The following IL1RL2 variants were observed in gnomAD, a reference collection of about 807,000 sequenced individuals.
IL1RL2 encodes the protein interleukin-1 receptor-like 2.
In IL1RL2, 68 loss-of-function variants were observed where a neutral mutation model predicts 66.8. The observed-to-expected ratio is 1.02, with a 90% CI of 0.84 to 1.25. The LOEUF (loss-of-function observed/expected upper bound fraction) is 1.25, where lower values mean the gene tolerates loss of function less well. Ranked by LOEUF, IL1RL2 falls within the 50% of genes most tolerant of loss-of-function variation. IL1RL2 has a pLI of 0.00. For missense variants in IL1RL2, 729 were observed against 709.3 expected, an observed-to-expected ratio of 1.03 and a Z score of -0.32; for synonymous variants, 305 against 264.6, an observed-to-expected ratio of 1.15 and a Z score of -1.48.
chr2:102,205,087 G>T (rs7583664), intron 5 of IL1RL2, among the ~76,000 whole-genome samples: 42,594 of 151,404 alleles, frequency 0.28, 6,607 homozygotes, highest in East Asian at 0.39. Context: ...TATTTTAACC[G>T]GATAACAACT....
intron 5 of IL1RL2, among the ~76,000 whole-genome samples, chr2:102,207,273 C>T (rs1167391247): frequency 1.3e-5 from 2 of 152,182 alleles, no homozygotes; most frequent in African/African-American, 4.8e-5. Context: ...AAGTGCAAGA[C>T]AAACTTTTCC....
intron 6 of IL1RL2, among the ~76,000 whole-genome samples, chr2:102,212,923 C>G (rs982196332): frequency 6.6e-6 from 1 of 152,100 alleles, no homozygotes; most frequent in African/African-American, 2.4e-5. Context: ...GAGCCGAGAT[C>G]GCGCCACTGC....
At chr2:102,201,530 T>C in intron 4 of IL1RL2, 26 bp from the exon 5 acceptor site, 2 of 1,606,232 alleles carry the variant, frequency 1.2e-6, no homozygotes, top group Non-Finnish European at 8.5e-7. Context: ...ATTCATTGAA[T>C]TGAATTTTGT....
At chr2:102,214,117 C>G (rs900892609) in intron 6 of IL1RL2, among the ~76,000 whole-genome samples, 7 of 152,102 alleles carry the variant, frequency 4.6e-5, no homozygotes, top group African/African-American at 1.7e-4. Flanking sequence ...TCTTAAAAGA[C>G]AAATTTGGCT....
intron 6 of IL1RL2, 22 bp downstream of exon 6, chr2:102,212,196 A>G (rs1215544628): frequency 6.6e-7 from 1 of 1,519,568 alleles, no homozygotes; most frequent in East Asian, 2.3e-5. Flanking sequence ...TATTGAAGCC[A>G]TTGAAATCAC....
chr2:102,226,084 C>T, intron 9 of IL1RL2, 43 bp downstream of exon 9: 1 of 1,474,594 alleles, frequency 6.8e-7, no homozygotes, highest in Non-Finnish European at 9.1e-7. Context: ...AAATTGGTAT[C>T]CTCTTATACA....
intron 9 of IL1RL2, among the ~76,000 whole-genome samples, chr2:102,227,186 C>G (rs35122930): frequency 0.016 from 2,392 of 152,268 alleles, 59 homozygotes; most frequent in African/African-American, 0.055. Context: ...AAAAAAGAAG[C>G]CTGGTGCAGC....
At chr2:102,208,314 T>C (rs1167104259) in intron 5 of IL1RL2, among the ~76,000 whole-genome samples, 1 of 152,212 alleles carries the variant, frequency 6.6e-6, no homozygotes, top group Non-Finnish European at 1.5e-5. Context: ...TTCCACATTC[T>C]CTCCCCAAGC....
intron 1 of IL1RL2, chr2:102,187,409 G>C (rs1359391193): frequency 2.7e-6 from 3 of 1,127,896 alleles, no homozygotes; most frequent in Admixed American, 4.1e-5. Flanking sequence ...CGCCAGGCTC[G>C]GGTGGATCCC....
At chr2:102,212,282 C>A (rs1689237799) in intron 6 of IL1RL2, 108 bp downstream of exon 6, 2 of 765,752 alleles carry the variant, frequency 2.6e-6, no homozygotes, top group Admixed American at 4.6e-5. Context: ...ATCCTATACA[C>A]ACCCAGTTTC....
intron 11 of IL1RL2, among the ~76,000 whole-genome samples, chr2:102,236,532 A>G (rs1336638328): frequency 1.3e-5 from 2 of 152,216 alleles, no homozygotes; most frequent in Non-Finnish European, 1.5e-5. Flanking sequence ...TCGACTTGAC[A>G]TTGGTCCACT....
rs1687184725 is a variant in IL1RL2 at position 102,191,012 on chromosome 2, G to A, written c.294-913G>A. Among the ~76,000 whole-genome samples the A allele has an allele frequency of 2.0e-5, 3 of 152,020 alleles. No homozygotes were observed. The South Asian group carries it at 6.2e-4, about 32-fold the overall frequency. ...ATTTTAAATTTAAATAAATTTTGCAGGAATAGTATCAAGAACTTCCTTCTA... is the reference window on the plus strand; with the variant it reads ...ATTTTAAATTTAAATAAATTTTGCAAGAATAGTATCAAGAACTTCCTTCTA... On this transcript the variant is annotated intron_variant, in intron 3 of 11. Coordinates refer to ENST00000264257, the MANE Select transcript of IL1RL2 (RefSeq NM_003854.4).
chr2:102,199,633 G>A (rs905158565), intron 4 of IL1RL2, among the ~76,000 whole-genome samples: 3 of 152,226 alleles, frequency 2.0e-5, no homozygotes, highest in African/African-American at 7.2e-5. Context: ...CAGTGGATCA[G>A]AATAGAGGTA....
chr2:102,195,592 TC>T (rs1687630648), intron 4 of IL1RL2, among the ~76,000 whole-genome samples: 1 of 17,050 alleles, frequency 5.9e-5, no homozygotes, highest in Non-Finnish European at 1.3e-4. Context: ...TTTCTTTCTT[TC>T]TTTCTTTCTT....
At chr2:102,238,180 C>T (rs1329923441) in intron 11 of IL1RL2, among the ~76,000 whole-genome samples, 1 of 152,132 alleles carries the variant, frequency 6.6e-6, no homozygotes, top group Non-Finnish European at 1.5e-5. Context: ...GGAGATTGGA[C>T]CAGAGAGGTG....
At chr2:102,195,083 A>T (rs538148863) in intron 4 of IL1RL2, among the ~76,000 whole-genome samples, 1 of 152,334 alleles carries the variant, frequency 6.6e-6, no homozygotes, top group African/African-American at 2.4e-5. Context: ...ACAGGTGGTT[A>T]GCCACATTTG....
chr2:102,194,734 T>C (rs959648227), intron 4 of IL1RL2, among the ~76,000 whole-genome samples: 4 of 152,114 alleles, frequency 2.6e-5, no homozygotes, highest in Admixed American at 2.6e-4. Flanking sequence ...GTAATTTTTT[T>C]CTTTGAGTGC....
chr2:102,203,921 T>C (rs549046073), intron 5 of IL1RL2, among the ~76,000 whole-genome samples: 37 of 152,072 alleles, frequency 2.4e-4, no homozygotes, highest in Admixed American at 1.4e-3. Flanking sequence ...TTTCTTCTAC[T>C]AATTTTGGGC....
rs1050523601 is a variant in IL1RL2, at chr2:102,239,579, G to T, written c.*338G>T. The T allele has an allele frequency of 3.4e-5, 10 of 289,864 alleles. No individual in the cohort carries two copies. The highest frequency in any genetic ancestry group is 8.0e-5 in the Admixed American group (2 of 24,874). The allele number at this position is 289,864 out of a possible 1,614,324, so 18.0% of individuals were successfully genotyped here. On this transcript the variant is annotated 3_prime_UTR_variant, in exon 12 of 12. Transcript: ENST00000264257. ...ATGTCATGGTGGGTGAGATCTGGGGGTATCCCTGTGTCATGGTGGGTGAGG... is the reference window on the plus strand; with the variant it reads ...ATGTCATGGTGGGTGAGATCTGGGGTTATCCCTGTGTCATGGTGGGTGAGG...
Sources: gnomAD v4.1 joint callset for allele counts (sites outside exome capture counted in the v4.1 genomes callset) on GRCh38, gnomAD v4.1.1 for gene constraint, MANE v1.5 for transcripts, NCBI Gene and HGNC (gene_info 2026-07-23, HGNC 2026-07-21) for gene names.